DNAH8: variants seen among roughly 807,000 people sequenced by gnomAD.
DNAH8 encodes the protein axonemal beta dynein heavy chain 8.
DNAH8 carries 382 observed loss-of-function variants against 562.1 expected under a neutral mutation model. The observed-to-expected ratio is 0.68, with a 90% CI of 0.63 to 0.74. The LOEUF is 0.74. Among genes scored for constraint, DNAH8 ranks in the 30% least tolerant of loss-of-function variants. The probability of loss-of-function intolerance (pLI) is 0.00; values close to 1 mark genes in which losing one functional copy is unlikely to be tolerated. For synonymous variants in DNAH8, 1,881 were observed against 1,919.4 expected (o/e 0.98, Z 0.52); for missense variants, 5,203 against 5,620.4 (o/e 0.93, Z 2.37).
rs116678679 is a variant in DNAH8, at chr6:38,864,215, A to C, written c.6498+155A>C. Among the ~76,000 whole-genome samples the C allele has an allele frequency of 3.6e-3, 551 of 151,336 alleles. 2 individuals are homozygous for C. Among genetic ancestry groups the C allele is most frequent in the African/African-American group, 0.013 (533 of 41,336 alleles). ...TTTTTTTTATGTCATTATAACCCAG[A>C]CAGAAGATAAAATAGTAATTTTTTT... On this transcript the variant is annotated intron_variant, in intron 45 of 92. Transcript: ENST00000327475.
chr6:38,951,925 A>G (rs972137097), intron 82 of DNAH8, among the ~76,000 whole-genome samples: 2 of 152,246 alleles, frequency 1.3e-5, no homozygotes, highest in African/African-American at 4.8e-5. Flanking sequence ...CATAGTAGTT[A>G]GGGATTAATT....
At position 38,874,068 on chromosome 6, in the gene DNAH8, T is replaced by TTCTTTCTTTCTTTTTCTTTCTTTC. The variant is rs377254876; in HGVS notation, c.7620+693_7620+694insCTTTCTTTCTTTTTCTTTCTTTCT. 6.5e-4 allele frequency among the ~76,000 whole-genome samples: 37 copies of TTCTTTCTTTCTTTTTCTTTCTTTC among 57,076 alleles called. 7 individuals are homozygous for TTCTTTCTTTCTTTTTCTTTCTTTC. Among genetic ancestry groups the TTCTTTCTTTCTTTTTCTTTCTTTC allele is most frequent in the African/African-American group, 1.7e-3 (27 of 15,638 alleles). 37.4% of individuals were successfully genotyped at this position (57,076 alleles called of 152,430 possible). On this transcript the variant is annotated intron_variant, in intron 52 of 92. Transcript: ENST00000327475. ...TTTCTTTCTTTCTTTCTTTCTTTCT[T>TTCTTTCTTTCTTTTTCTTTCTTTC]TTTCTTTCTTTCTTTCTTTCTTTCT...
chr6:38,926,331 C>G (rs1269998305), intron 74 of DNAH8, 121 bp downstream of exon 74: 1 of 1,143,990 alleles, frequency 8.7e-7, no homozygotes, highest in African/African-American at 1.6e-5. Context: ...AATTCACACT[C>G]TTGAGTTTTG....
intron 77 of DNAH8, 62 bp from the exon 78 acceptor site, chr6:38,937,912 A>C: frequency 3.9e-6 from 6 of 1,539,156 alleles, no homozygotes; most frequent in Non-Finnish European, 5.3e-6. Context: ...TTCAGAAGAG[A>C]TGTATCTTGC....
intron 14 of DNAH8, 108 bp from the exon 15 acceptor site, chr6:38,779,858 G>A: frequency 9.3e-7 from 1 of 1,073,844 alleles, no homozygotes; most frequent in Non-Finnish European, 1.4e-6. Flanking sequence ...AACGAATGAG[G>A]GCTGGTATGA....
rs1489513011 is a variant in DNAH8 at position 38,911,564 on chromosome 6, A to G, written c.9837A>G (p.Glu3279=). ...IYAEKVKFIN[E]QAERMNIGLD... The stretch of plus-strand genomic sequence containing the variant: ...CTGAAAAGGTGAAGTTCATTAATGA[A>G]CAGGCTGAACGTATGAATATTGGTA... The change falls in exon 66 of 93, where the codon GAA becomes GAG. Residue 3279 remains glutamate (E), a synonymous_variant. Coordinates refer to ENST00000327475, the MANE Select transcript of DNAH8 (RefSeq NM_001206927.2). The G allele has an allele frequency of 3.1e-6, 5 of 1,605,672 alleles. No homozygotes were observed. The highest frequency in any genetic ancestry group is 3.3e-5 in the Admixed American group (2 of 59,978).
intron 82 of DNAH8, among the ~76,000 whole-genome samples, chr6:38,955,956 A>C (rs1182070747): frequency 8.5e-5 from 13 of 152,226 alleles, no homozygotes; most frequent in South Asian, 2.1e-4. Context: ...GAGTTTGGCT[A>C]TAGCCCTTTT....
Position 39,029,755 on chromosome 6 carries a change from C to T in DNAH8, c.13837-350C>T, listed in dbSNP as rs777844305. Among the ~76,000 whole-genome samples the T allele has an allele frequency of 3.8e-4, 58 of 152,190 alleles. 1 individual carries two copies. The highest frequency in any genetic ancestry group is 1.5e-4 in the Non-Finnish European group (10 of 68,026). ...CTGACAGCAGCTCTAGATCCTGTTC[C>T]ATGCTCCCACCTTCCACCAACTCAA... On this transcript the variant is annotated intron_variant, in intron 92 of 92. Coordinates refer to ENST00000327475, the MANE Select transcript of DNAH8 (RefSeq NM_001206927.2).
chr6:38,823,666 A>G lies in DNAH8; in HGVS notation c.3825A>G (p.Val1275=), dbSNP rs759729382. The change falls in exon 28 of 93, where the codon GTA becomes GTG. Residue 1275 remains valine (V), a synonymous_variant. Coordinates refer to ENST00000327475, the MANE Select transcript of DNAH8 (RefSeq NM_001206927.2). Reference sequence around the variant, plus strand: ...ATGAGTTGAAGCCTATTATTGTTGTAGGAGCACTTGAATTACATACAGGTA... The same window carrying G: ...ATGAGTTGAAGCCTATTATTGTTGTGGGAGCACTTGAATTACATACAGGTA... The part of the protein sequence containing the change: ...EIDELKPIIV[V]GALELHTEPM... The G allele has an allele frequency of 5.0e-6, 8 of 1,601,528 alleles. No individual in the cohort carries two copies. The highest frequency in any genetic ancestry group is 6.8e-6 in the Non-Finnish European group (8 of 1,169,862).
chr6:38,782,387 T>G (rs1216967352), intron 16 of DNAH8, among the ~76,000 whole-genome samples: 3 of 152,096 alleles, frequency 2.0e-5, no homozygotes, highest in Non-Finnish European at 4.4e-5. Flanking sequence ...TTCAAGCAAT[T>G]CTCCTGCCTC....
chr6:38,951,410 T>C lies in DNAH8; in HGVS notation c.12341T>C (p.Leu4114Pro). 1 of 1,614,126 alleles carries C rather than the reference T, an allele frequency of 6.2e-7. No individual in the cohort carries two copies. The highest frequency in any genetic ancestry group is 8.5e-7 in the Non-Finnish European group (1 of 1,180,002). Reference protein sequence around the residue: ...EKYTEPVILNLEKTWEESDTR... With the variant: ...EKYTEPVILNPEKTWEESDTR... ...TACACAGAACCAGTTATCTTAAATC[T>C]GGAGAAAACTTGGGAAGAAAGTGAT... Residue 4114 changes from leucine to proline, a missense_variant, in exon 82 of 93, where the codon CTG becomes CCG. This residue lies in a region of DNAH8 where 1,399 missense variants were observed against 1,518.4 expected (regional missense o/e 0.92). Transcript: ENST00000327475.
chr6:38,932,183 A>AACACATACACACAC (rs1554138853), intron 76 of DNAH8, among the ~76,000 whole-genome samples, 190 bp downstream of exon 76: 1 of 139,788 alleles, frequency 7.2e-6, no homozygotes, highest in African/African-American at 2.7e-5. Flanking sequence ...TCCAGCCTGA[A>AACACATACACACAC]ACACACACAC....
intron 9 of DNAH8, among the ~76,000 whole-genome samples, chr6:38,753,931 C>A (rs912251103): frequency 2.0e-5 from 3 of 152,118 alleles, no homozygotes; most frequent in African/African-American, 7.2e-5. Context: ...CTCATACACC[C>A]ACTATATCTG....
At chr6:38,843,011 A>G in intron 35 of DNAH8, 108 bp downstream of exon 35, 1 of 1,118,856 alleles carries the variant, frequency 8.9e-7, no homozygotes, top group Non-Finnish European at 1.3e-6. Context: ...ATTGCCCTCT[A>G]TAATGCACCC....
At chr6:39,022,815 C>T (rs1376639476) in intron 91 of DNAH8, among the ~76,000 whole-genome samples, 1 of 152,194 alleles carries the variant, frequency 6.6e-6, no homozygotes, top group Non-Finnish European at 1.5e-5. Context: ...CAGCTGCCTA[C>T]CCCCATCCCA....
At chr6:38,894,628 C>T in intron 58 of DNAH8, 73 bp from the exon 59 acceptor site, 1 of 1,171,346 alleles carries the variant, frequency 8.5e-7, no homozygotes, top group East Asian at 2.4e-5. Flanking sequence ...ATTTGTGAGA[C>T]AGTTGTAAAA....
intron 17 of DNAH8, 73 bp from the exon 18 acceptor site, chr6:38,786,692 A>G (rs1381622763): frequency 1.3e-6 from 2 of 1,489,072 alleles, no homozygotes; most frequent in African/African-American, 1.4e-5. Context: ...AGGGGGCAAG[A>G]CAGAAATATA....
At chr6:38,867,423 A>G (rs1017333153) in intron 47 of DNAH8, among the ~76,000 whole-genome samples, 4 of 152,072 alleles carry the variant, frequency 2.6e-5, no homozygotes, top group South Asian at 2.1e-4. Context: ...ATCACATAGT[A>G]TGTAACCTCT....
At chr6:38,991,791 A>G (rs1009273848) in intron 88 of DNAH8, among the ~76,000 whole-genome samples, 1 of 152,094 alleles carries the variant, frequency 6.6e-6, no homozygotes, top group Non-Finnish European at 1.5e-5. Context: ...CTCCTCCTAG[A>G]TATCACAGTG....
Sources: allele counts gnomAD v4.1 joint callset (sites outside exome capture counted in the v4.1 genomes callset), GRCh38; gene constraint gnomAD v4.1.1; regional missense constraint gnomAD v4.1.1; transcripts MANE v1.5; gene names NCBI Gene and HGNC (gene_info 2026-07-23, HGNC 2026-07-21).